The following CCSER1 variants were observed in gnomAD, a reference collection of about 807,000 sequenced individuals.
CCSER1 encodes the protein coiled-coil serine rich protein 1.
CCSER1 carries 41 observed loss-of-function variants against 82.0 expected under a neutral mutation model. The observed-to-expected ratio is 0.50, with a 90% confidence interval of 0.39 to 0.65. The LOEUF is 0.65. Ranked by LOEUF, CCSER1 falls within the 30% of genes least tolerant of loss-of-function variation. The probability of loss-of-function intolerance (pLI) is 0.00; values close to 1 mark genes in which losing one functional copy is unlikely to be tolerated. For missense variants in CCSER1, 1,119 were observed against 1,064.2 expected (o/e 1.05, Z -0.72); for synonymous variants, 414 against 383.9 (o/e 1.08, Z -0.92).
intron 7 of CCSER1, among the ~76,000 whole-genome samples, chr4:90,763,236 C>T (rs1164632096): frequency 1.3e-5 from 2 of 151,780 alleles, no homozygotes; most frequent in East Asian, 1.9e-4. Flanking sequence ...GGCTTAGTTC[C>T]ACCTATTGAG....
chr4:90,627,490 T>G (rs1723509521), intron 5 of CCSER1, among the ~76,000 whole-genome samples: 1 of 152,048 alleles, frequency 6.6e-6, no homozygotes, highest in Non-Finnish European at 1.5e-5. Flanking sequence ...AGCCCTAAAC[T>G]GTTTTTATAA....
chr4:91,390,619 A>T (rs932418198), intron 10 of CCSER1, among the ~76,000 whole-genome samples: 8 of 151,960 alleles, frequency 5.3e-5, no homozygotes, highest in Admixed American at 3.3e-4. Context: ...AGTATTCCTT[A>T]TACTTTTATC....
Position 91,491,046 on chromosome 4 carries a change from C to T in CCSER1, c.2218-107526C>T, listed in dbSNP as rs568977699. ...ATTATCTAATTTAAATTATTATTCA[C>T]GTGAACCCTCTGAAGCAAATACTAC... On this transcript the variant is annotated intron_variant, in intron 10 of 10. Coordinates refer to ENST00000509176, the MANE Select transcript of CCSER1 (RefSeq NM_001145065.2). Among the ~76,000 whole-genome samples the T allele has an allele frequency of 6.8e-4, 101 of 149,360 alleles. 1 individual carries two copies. Among genetic ancestry groups the T allele is most frequent in the South Asian group, 5.5e-3 (26 of 4,720 alleles).
At chr4:91,329,342 T>C (rs1746786202) in intron 10 of CCSER1, among the ~76,000 whole-genome samples, 1 of 152,246 alleles carries the variant, frequency 6.6e-6, no homozygotes, top group South Asian at 2.1e-4. Context: ...AATTTTCTTT[T>C]ACAATTTACT....
intron 3 of CCSER1, among the ~76,000 whole-genome samples, chr4:90,347,582 T>C (rs1742599661): frequency 6.6e-6 from 1 of 152,124 alleles, no homozygotes; most frequent in African/African-American, 2.4e-5. Flanking sequence ...CATCTCTTTG[T>C]CCAGCATGTG....
Position 90,354,916 on chromosome 4 carries a change from G to T in CCSER1, c.1509+41869G>T, listed in dbSNP as rs76009214. On this transcript the variant is annotated intron_variant, in intron 3 of 10. Coordinates refer to ENST00000509176, the MANE Select transcript of CCSER1 (RefSeq NM_001145065.2). ...AGTGCTCTTTGTGGTGGTGGTGGTT[G>T]TGTTTTGTAACTAGAAATAAATTTC... Among the ~76,000 whole-genome samples, 1,052 of 151,954 alleles carry T rather than the reference G, an allele frequency of 6.9e-3. 8 individuals are homozygous for T. Among genetic ancestry groups the T allele is most frequent in the Admixed American group, 0.01 (160 of 15,272 alleles).
intron 3 of CCSER1, among the ~76,000 whole-genome samples, chr4:90,318,845 G>T (rs1038638816): frequency 1.3e-5 from 2 of 152,118 alleles, no homozygotes; most frequent in Non-Finnish European, 2.9e-5. Flanking sequence ...CTGCTCTGAA[G>T]AATCAAAGAT....
intron 8 of CCSER1, among the ~76,000 whole-genome samples, chr4:90,864,712 A>T (rs1304934134): frequency 6.6e-6 from 1 of 152,060 alleles, no homozygotes; most frequent in African/African-American, 2.4e-5. Flanking sequence ...ATCCCTTGAC[A>T]ATCTATGGGA....
At chr4:90,460,004 C>T (rs1052310124) in intron 4 of CCSER1, among the ~76,000 whole-genome samples, 3 of 152,052 alleles carry the variant, frequency 2.0e-5, no homozygotes, top group African/African-American at 7.2e-5. Flanking sequence ...AAAAATTTCA[C>T]AACGAAATAT....
intron 4 of CCSER1, among the ~76,000 whole-genome samples, chr4:90,439,289 A>G (rs945337705): frequency 1.3e-5 from 2 of 152,140 alleles, no homozygotes; most frequent in African/African-American, 4.8e-5. Context: ...TTCCTTCTCC[A>G]AAAGGAAAAC....
intron 8 of CCSER1, among the ~76,000 whole-genome samples, chr4:90,832,079 G>C (rs1761185724): frequency 6.8e-6 from 1 of 146,120 alleles, no homozygotes; most frequent in Non-Finnish European, 1.5e-5. Context: ...GTATTACTAT[G>C]TGACTCTTTT....
At chr4:91,554,649 A>G (rs1224992127) in intron 10 of CCSER1, among the ~76,000 whole-genome samples, 1 of 151,354 alleles carries the variant, frequency 6.6e-6, no homozygotes, top group African/African-American at 2.4e-5. Flanking sequence ...GATTCAATGC[A>G]GTCTCTATAA....
At chr4:91,422,849 C>T (rs370451574) in intron 10 of CCSER1, among the ~76,000 whole-genome samples, 17 of 152,106 alleles carry the variant, frequency 1.1e-4, no homozygotes, top group African/African-American at 2.4e-4. Context: ...AACAGTAAAG[C>T]AGCTGGTGTT....
At chr4:90,330,305 A>G (rs1203482233) in intron 3 of CCSER1, among the ~76,000 whole-genome samples, 1 of 152,174 alleles carries the variant, frequency 6.6e-6, no homozygotes, top group Non-Finnish European at 1.5e-5. Context: ...ATTAGGCTTC[A>G]GTTGGGATGA....
At chr4:90,236,262 C>T (rs1010154640) in intron 1 of CCSER1, among the ~76,000 whole-genome samples, 1 of 152,100 alleles carries the variant, frequency 6.6e-6, no homozygotes, top group African/African-American at 2.4e-5. Flanking sequence ...GGAAAAGAAT[C>T]TTATGTTGTT....
chr4:90,455,044 C>G (rs1028243612), intron 4 of CCSER1, among the ~76,000 whole-genome samples: 2 of 152,124 alleles, frequency 1.3e-5, no homozygotes, highest in African/African-American at 4.8e-5. Context: ...TCTCTATTTC[C>G]CTGGGATTGC....
At chr4:90,951,691 A>G (rs566306774) in intron 9 of CCSER1, among the ~76,000 whole-genome samples, 1 of 152,228 alleles carries the variant, frequency 6.6e-6, no homozygotes, top group African/African-American at 2.4e-5. Context: ...TGCAAAGAGA[A>G]ATAGAATTTG....
At chr4:90,442,085 GT>G (rs908739808) in intron 4 of CCSER1, among the ~76,000 whole-genome samples, 5 of 151,456 alleles carry the variant, frequency 3.3e-5, no homozygotes, top group East Asian at 1.9e-4. Context: ...AAGAACAGCA[GT>G]TTTTTTTTAG....
chr4:91,381,148 A>T (rs1479704583), intron 10 of CCSER1, among the ~76,000 whole-genome samples: 1 of 152,146 alleles, frequency 6.6e-6, no homozygotes, highest in South Asian at 2.1e-4. Flanking sequence ...CTTTGTGGGT[A>T]ACCTGACCTT....
Sources: gnomAD v4.1 joint callset for allele counts (sites outside exome capture counted in the v4.1 genomes callset) on GRCh38, gnomAD v4.1.1 for gene constraint, MANE v1.5 for transcripts, NCBI Gene and HGNC (gene_info 2026-07-23, HGNC 2026-07-21) for gene names.